ROBO2: variants seen among roughly 807,000 people sequenced by gnomAD.
The protein encoded by ROBO2 is roundabout homolog 2.
A neutral mutation model predicts 160.8 loss-of-function variants in ROBO2; 53 were observed. That is an observed-to-expected ratio of 0.33 (90% CI 0.26 to 0.41). The LOEUF is 0.41. ROBO2 is among the 10% of genes least tolerant of loss of function. The pLI is 1.00. For missense variants in ROBO2, 1,577 were observed against 1,722.4 expected (o/e 0.92, Z 1.49); for synonymous variants, 664 against 611.7 (o/e 1.09, Z -1.26).
chr3:75,932,754 TAG>T (rs1947599391), intron 1 of ROBO2, among the ~76,000 whole-genome samples: 1 of 152,184 alleles, frequency 6.6e-6, no homozygotes, highest in Non-Finnish European at 1.5e-5. Context: ...GTCTCATACA[TAG>T]AGCCTGAACC....
At chr3:76,600,453 G>A (rs1048473422) in intron 2 of ROBO2, among the ~76,000 whole-genome samples, 2 of 152,148 alleles carry the variant, frequency 1.3e-5, no homozygotes, top group African/African-American at 4.8e-5. Context: ...GAAAAAATGA[G>A]GTTTAATTTG....
At chr3:77,102,077 A>G (rs2072022540) in intron 2 of ROBO2, among the ~76,000 whole-genome samples, 1 of 152,174 alleles carries the variant, frequency 6.6e-6, no homozygotes, top group East Asian at 1.9e-4. Flanking sequence ...CATGGTTGAC[A>G]CGATGCAAAT....
intron 2 of ROBO2, among the ~76,000 whole-genome samples, chr3:76,297,120 A>G (rs1440215632): frequency 6.6e-6 from 1 of 152,156 alleles, no homozygotes; most frequent in South Asian, 2.1e-4. Flanking sequence ...CATACTGGTT[A>G]TGTGGGATTT....
intron 2 of ROBO2, among the ~76,000 whole-genome samples, chr3:77,469,247 A>T (rs930706965): frequency 1.3e-5 from 2 of 152,178 alleles, no homozygotes; most frequent in African/African-American, 4.8e-5. Context: ...TTTCAGAATT[A>T]ATTTGTCCAG....
intron 2 of ROBO2, among the ~76,000 whole-genome samples, chr3:76,886,931 C>T (rs1318953355): frequency 6.6e-6 from 1 of 152,176 alleles, no homozygotes; most frequent in Non-Finnish European, 1.5e-5. Flanking sequence ...TCAGTAGCCC[C>T]ATGTGGCTAG....
chr3:77,101,330 G>C (rs886693468), intron 2 of ROBO2, among the ~76,000 whole-genome samples: 1 of 152,158 alleles, frequency 6.6e-6, no homozygotes, highest in Non-Finnish European at 1.5e-5. Flanking sequence ...AAGTGACTGG[G>C]TATATAGTGC....
chr3:76,133,203 G>T (rs2071296128), intron 2 of ROBO2, among the ~76,000 whole-genome samples: 1 of 152,020 alleles, frequency 6.6e-6, no homozygotes, highest in African/African-American at 2.4e-5. Flanking sequence ...TAAAATTAAT[G>T]TTGGAAAGGC....
intron 2 of ROBO2, among the ~76,000 whole-genome samples, chr3:77,425,666 ACTCT>A (rs2078127763): frequency 8.1e-6 from 1 of 124,202 alleles, no homozygotes. Flanking sequence ...CTTCAATATG[ACTCT>A]TTTTTTTTTT....
chr3:76,971,443 G>A (rs2059566608), intron 2 of ROBO2, among the ~76,000 whole-genome samples: 1 of 151,938 alleles, frequency 6.6e-6, no homozygotes, highest in Non-Finnish European at 1.5e-5. Context: ...TTATCAATTT[G>A]TGTATAGATG....
intron 24 of ROBO2, among the ~76,000 whole-genome samples, chr3:77,639,219 T>G (rs543764681): frequency 6.6e-6 from 1 of 152,198 alleles, no homozygotes; most frequent in East Asian, 1.9e-4. Context: ...GCAAATAAAT[T>G]TACATATTAA....
chr3:76,616,843 C>T (rs1657772618), intron 2 of ROBO2, among the ~76,000 whole-genome samples: 1 of 152,122 alleles, frequency 6.6e-6, no homozygotes, highest in Non-Finnish European at 1.5e-5. Context: ...TGCACTACAG[C>T]TCAAACTCCG....
chr3:76,453,609 G>A (rs527992005), intron 2 of ROBO2, among the ~76,000 whole-genome samples: 54 of 152,212 alleles, frequency 3.5e-4, no homozygotes, highest in Middle Eastern at 3.4e-3. Flanking sequence ...GTCAGGTAGC[G>A]TGATGCCTCC....
intron 2 of ROBO2, among the ~76,000 whole-genome samples, chr3:77,313,306 G>T (rs769537328): frequency 6.6e-6 from 1 of 152,096 alleles, no homozygotes; most frequent in Admixed American, 6.5e-5. Context: ...CATATAATAT[G>T]CAGTAATCAT....
At chr3:76,583,418 C>T (rs1560188068) in intron 2 of ROBO2, among the ~76,000 whole-genome samples, 1 of 152,222 alleles carries the variant, frequency 6.6e-6, no homozygotes, top group East Asian at 1.9e-4. Flanking sequence ...CAGGCAAACA[C>T]TTTCCGGAAC....
chr3:77,226,240 T>C (rs1350214072), intron 2 of ROBO2, among the ~76,000 whole-genome samples: 3 of 152,028 alleles, frequency 2.0e-5, no homozygotes, highest in African/African-American at 4.8e-5. Context: ...AAGAAATTAC[T>C]GTCCTAGTAA....
intron 2 of ROBO2, among the ~76,000 whole-genome samples, chr3:76,761,385 C>G (rs2061298936): frequency 6.6e-6 from 1 of 151,658 alleles, no homozygotes; most frequent in Admixed American, 6.6e-5. Flanking sequence ...AGTTTGCCTG[C>G]GAGAGTCCCA....
At chr3:77,148,275 C>T (rs542804405) in intron 2 of ROBO2, among the ~76,000 whole-genome samples, 1 of 152,244 alleles carries the variant, frequency 6.6e-6, no homozygotes, top group African/African-American at 2.4e-5. Flanking sequence ...TCATTCCTAT[C>T]GATTAAAGGG....
chr3:77,556,987 A>G (rs1275758677), intron 8 of ROBO2, among the ~76,000 whole-genome samples: 1 of 151,850 alleles, frequency 6.6e-6, no homozygotes, highest in Non-Finnish European at 1.5e-5. Flanking sequence ...AATGAATTCT[A>G]AATGAAATCT....
intron 2 of ROBO2, among the ~76,000 whole-genome samples, chr3:76,246,817 G>A (rs573309816): frequency 2.6e-4 from 39 of 152,192 alleles, no homozygotes; most frequent in South Asian, 8.3e-4. Flanking sequence ...CAGAGATAAA[G>A]TATATAACTT....
Sources: allele counts gnomAD v4.1 joint callset (sites outside exome capture counted in the v4.1 genomes callset), GRCh38; gene constraint gnomAD v4.1.1; transcripts MANE v1.5; gene names NCBI Gene and HGNC (gene_info 2026-07-23, HGNC 2026-07-21).